The following PLG variants were observed in gnomAD, a reference collection of about 807,000 sequenced individuals.
PLG encodes plasminogen, also known as plasmin.
In PLG, 41 loss-of-function variants were observed where a neutral mutation model predicts 104.4. That is an observed-to-expected ratio of 0.39 (90% CI 0.31 to 0.51). The LOEUF (loss-of-function observed/expected upper bound fraction) is 0.51, where lower values mean the gene tolerates loss of function less well. PLG is among the 20% of genes least tolerant of loss of function. The pLI, the probability that PLG is intolerant of heterozygous loss-of-function variation, is 0.76. For missense variants in PLG, 891 were observed against 1,003.6 expected (o/e 0.89, Z 1.52); for synonymous variants, 337 against 357.1 (o/e 0.94, Z 0.63).
chr6:160,721,830 G>T (rs1418404275), intron 9 of PLG, among the ~76,000 whole-genome samples: 1 of 152,266 alleles, frequency 6.6e-6, no homozygotes, highest in Non-Finnish European at 1.5e-5. Context: ...GTAGGCTTCT[G>T]CTTCATTGCA....
intron 3 of PLG, among the ~76,000 whole-genome samples, chr6:160,709,128 C>T (rs1777587744): frequency 6.6e-6 from 1 of 151,708 alleles, no homozygotes; most frequent in Non-Finnish European, 1.5e-5. Context: ...TTCAAAGTGA[C>T]AGAAGGGAGC....
At chr6:160,705,047 C>T (rs1777492085) in intron 1 of PLG, among the ~76,000 whole-genome samples, 1 of 152,208 alleles carries the variant, frequency 6.6e-6, no homozygotes, top group Non-Finnish European at 1.5e-5. Context: ...CACTGCTCTC[C>T]TAGTCACTCT....
rs1777484503 is a variant in PLG, at chr6:160,704,662, A to G, written c.50-1745A>G. On this transcript the variant is annotated intron_variant, in intron 1 of 18. Coordinates refer to ENST00000308192, the MANE Select transcript of PLG (RefSeq NM_000301.5). ...TTGATATATCTCTCAAGTGCTTTTT[A>G]GTGGATTAGCTTTAGAATGCATCAG... 2.0e-5 allele frequency among the ~76,000 whole-genome samples: 3 copies of G among 152,218 alleles called. No individual in the cohort carries two copies. The South Asian group carries it at 6.2e-4, about 32-fold the overall frequency.
intron 17 of PLG, among the ~76,000 whole-genome samples, chr6:160,746,906 A>G (rs1302263663): frequency 3.9e-5 from 6 of 151,934 alleles, no homozygotes; most frequent in East Asian, 1.9e-4. Flanking sequence ...TTTTATTTGT[A>G]TATTTCCCTA....
chr6:160,706,660 A>T, intron 2 of PLG, 118 bp downstream of exon 2: 1 of 1,029,540 alleles, frequency 9.7e-7, no homozygotes, highest in Non-Finnish European at 1.5e-6. Context: ...AGAGTTTGGA[A>T]CTATATTTGC....
intron 10 of PLG, among the ~76,000 whole-genome samples, 165 bp downstream of exon 10, chr6:160,722,732 C>T (rs1049677544): frequency 7.9e-5 from 12 of 152,000 alleles, no homozygotes; most frequent in Admixed American, 5.9e-4. Flanking sequence ...AAAGGGCCTG[C>T]GAGAAGAGAA....
intron 4 of PLG, 104 bp downstream of exon 4, chr6:160,711,295 T>C: frequency 9.6e-7 from 1 of 1,041,942 alleles, no homozygotes. Context: ...AAATCCATGC[T>C]TCTCAAGTCC....
chr6:160,717,686 G>T (rs879815406), intron 7 of PLG, among the ~76,000 whole-genome samples: 13 of 152,034 alleles, frequency 8.6e-5, no homozygotes, highest in Admixed American at 8.5e-4. Context: ...GAGAATTCGG[G>T]GTGTGAGGTG....
At chr6:160,702,388 T>C in intron 1 of PLG, 35 bp downstream of exon 1, 1 of 1,473,572 alleles carries the variant, frequency 6.8e-7, no homozygotes, top group Non-Finnish European at 9.4e-7. Flanking sequence ...TAAGAATTAT[T>C]TTTTCTCCCA....
At chr6:160,702,862 G>A (rs149318841) in intron 1 of PLG, among the ~76,000 whole-genome samples, 2,834 of 152,228 alleles carry the variant, frequency 0.019, 77 homozygotes, top group Middle Eastern at 0.068. Flanking sequence ...ATCAGTATAC[G>A]TTTGCCTCTT....
chr6:160,745,742 C>T (rs1481288595), intron 17 of PLG, among the ~76,000 whole-genome samples: 6 of 152,100 alleles, frequency 3.9e-5, no homozygotes, highest in African/African-American at 7.2e-5. Flanking sequence ...CATTGGTCTG[C>T]GTATTTAAGT....
Position 160,753,085 on chromosome 6 carries a change from ACT to A in PLG, c.*25_*26del, listed in dbSNP as rs1778434928. On this transcript the variant is annotated 3_prime_UTR_variant, in exon 19 of 19. Coordinates refer to ENST00000308192, the MANE Select transcript of PLG (RefSeq NM_000301.5). This position sits in a 1 kb window ranked among gnomAD's most constrained non-coding sequence, Gnocchi z 5.4. ...AATTGGACGGGAGACAGAGTGACGCACTGACTCACCTAGAGGCTGGAACGTGG... is the reference window on the plus strand; with the variant it reads ...AATTGGACGGGAGACAGAGTGACGCAGACTCACCTAGAGGCTGGAACGTGG... The A allele has an allele frequency of 6.9e-7, 1 of 1,445,346 alleles. No homozygotes were observed. Among genetic ancestry groups the A allele is most frequent in the Non-Finnish European group, 9.6e-7 (1 of 1,036,300 alleles). The allele number at this position is 1,445,346 out of a possible 1,614,324, so 89.5% of individuals were successfully genotyped here. A position where few individuals can be genotyped will look rare whatever the true frequency, so the allele number is the denominator to read the frequency against.
intron 17 of PLG, among the ~76,000 whole-genome samples, chr6:160,747,551 T>C (rs906890569): frequency 6.6e-6 from 1 of 152,224 alleles, no homozygotes; most frequent in African/African-American, 2.4e-5. Context: ...TAACCCCTCA[T>C]TCAAAAACCC....
rs1381665125 is a variant in PLG at position 160,740,752 on chromosome 6, C to G, written c.2019-559C>G. Among the ~76,000 whole-genome samples, 2 of 152,162 alleles carry G rather than the reference C, an allele frequency of 1.3e-5. No homozygotes were observed. Among genetic ancestry groups the G allele is most frequent in the African/African-American group, 4.8e-5 (2 of 41,434 alleles). On this transcript the variant is annotated intron_variant, in intron 16 of 18. Coordinates refer to ENST00000308192, the MANE Select transcript of PLG (RefSeq NM_000301.5). The surrounding 1 kb of genome is among the most constrained non-coding windows in gnomAD (Gnocchi z 5.2). ...TATGAATGTTCTTTGAAAACAAATA[C>G]CATTTTGTTCAAGCAAAAGGCTTAT...
At position 160,729,896 on chromosome 6, in the gene PLG, C is replaced by T. The variant is rs552621146; in HGVS notation, c.1257-1155C>T. 2.0e-5 allele frequency among the ~76,000 whole-genome samples: 3 copies of T among 152,360 alleles called. No homozygotes were observed. The South Asian group carries it at 6.2e-4, about 32-fold the overall frequency. Reference sequence around the variant, plus strand: ...CACACTATGTAAAAGTATACCTCAACTGAAGAGAGTGGAAATCTGTTTCAA... The same window carrying T: ...CACACTATGTAAAAGTATACCTCAATTGAAGAGAGTGGAAATCTGTTTCAA... On this transcript the variant is annotated intron_variant, in intron 10 of 18. Transcript: ENST00000308192.
chr6:160,708,140 T>C (rs1419259350), intron 3 of PLG: 1 of 248,042 alleles, frequency 4.0e-6, no homozygotes, highest in African/African-American at 2.3e-5. Flanking sequence ...CTTTTGGTCT[T>C]GGCTTCTTAT....
chr6:160,750,295 G>GGGGA (rs777885856), intron 17 of PLG, among the ~76,000 whole-genome samples: 3 of 152,100 alleles, frequency 2.0e-5, no homozygotes, highest in Non-Finnish European at 4.4e-5. Context: ...ACGCCCCATC[G>GGGGA]GGGAGGGCTT....
At chr6:160,708,598 G>C (rs1243177661) in intron 3 of PLG, 2 of 152,170 alleles carry the variant, frequency 1.3e-5, no homozygotes, top group Non-Finnish European at 2.9e-5. Context: ...TTGGTAGCCA[G>C]GTATTAAGAC....
At chr6:160,710,972 A>AG in intron 3 of PLG, 105 bp from the exon 4 acceptor site, 1 of 976,196 alleles carries the variant, frequency 1.0e-6, no homozygotes, top group East Asian at 2.4e-5. Flanking sequence ...AAGCAGAAAC[A>AG]GGGGGTCTGG....
Sources: allele counts gnomAD v4.1 joint callset (sites outside exome capture counted in the v4.1 genomes callset), GRCh38; gene constraint gnomAD v4.1.1; non-coding constraint Gnocchi (gnomAD v3.1); transcripts MANE v1.5; gene names NCBI Gene and HGNC (gene_info 2026-07-23, HGNC 2026-07-21).